PDLIM7: variants seen among roughly 807,000 people sequenced by gnomAD.
PDLIM7 encodes PDZ and LIM domain 7.
PDLIM7 carries 37 observed loss-of-function variants against 53.9 expected under a neutral mutation model. That is an observed-to-expected ratio of 0.69 (90% CI 0.53 to 0.90). The LOEUF is 0.90. PDLIM7 is among the 40% of genes least tolerant of loss of function. The probability of loss-of-function intolerance (pLI) is 0.00; values close to 1 mark genes in which losing one functional copy is unlikely to be tolerated. For synonymous variants in PDLIM7, 300 were observed against 261.3 expected, an observed-to-expected ratio of 1.15 and a Z score of -1.43; for missense variants, 617 against 638.5, an observed-to-expected ratio of 0.97 and a Z score of 0.36.
In PDLIM7 at chr5:177,491,920, G is replaced by A; in HGVS notation, c.285C>T (p.Ser95=). ...ACCGCGGAGGGTCCGCGGCGGGGGCGGAGGCCTGGGCAGAGACACAGCCGG... is the reference window on the plus strand; with the variant it reads ...ACCGCGGAGGGTCCGCGGCGGGGGCAGAGGCCTGGGCAGAGACACAGCCGG... ...QPVQSKPQKA[S]APAADPPRYT... Residue 95 remains serine (S), a synonymous_variant, in exon 5 of 13, where the codon TCC becomes TCT. Coordinates refer to ENST00000355841, the MANE Select transcript of PDLIM7 (RefSeq NM_005451.5). The A allele has an allele frequency of 1.6e-6, 2 of 1,270,876 alleles. No homozygotes were observed. Among genetic ancestry groups the A allele is most frequent in the Non-Finnish European group, 2.0e-6 (2 of 999,552 alleles). The allele number at this position is 1,270,876 out of a possible 1,614,324, so 78.7% of individuals were successfully genotyped here. A position where few individuals can be genotyped will look rare whatever the true frequency, so the allele number is the denominator to read the frequency against.
intron 2 of PDLIM7, among the ~76,000 whole-genome samples, chr5:177,495,340 G>A (rs912690928): frequency 5.3e-5 from 8 of 152,148 alleles, no homozygotes; most frequent in African/African-American, 1.9e-4. Context: ...CTCAGGCCAC[G>A]ACCCTCTGGG....
chr5:177,484,596 G>A, intron 10 of PDLIM7: 1 of 210,410 alleles, frequency 4.8e-6, no homozygotes, highest in South Asian at 6.9e-5. Context: ...TCCCTGAAGT[G>A]AGGTAAGCCA....
intron 9 of PDLIM7, among the ~76,000 whole-genome samples, chr5:177,489,066 G>T (rs890135426): frequency 6.6e-6 from 1 of 151,466 alleles, no homozygotes; most frequent in African/African-American, 2.5e-5. Flanking sequence ...GGGAGACAGA[G>T]AGCAGGAGGG....
rs183171457 is a variant in PDLIM7, at chr5:177,492,709, C to T, written c.97-32G>A. The T allele has an allele frequency of 5.7e-5, 90 of 1,590,068 alleles. No homozygotes were observed. The African/African-American group carries it at 1.0e-3, about 18-fold the overall frequency. On this transcript the variant is annotated intron_variant, in intron 2 of 12. Coordinates refer to ENST00000355841, the MANE Select transcript of PDLIM7 (RefSeq NM_005451.5). The stretch of plus-strand genomic sequence containing the variant: ...AGAGAGAAGCAAAGTGACCGAGGCC[C>T]TGGACCCTGCAGACCCAAGCCAGGC...
chr5:177,485,563 A>G (rs1284822711), intron 10 of PDLIM7, among the ~76,000 whole-genome samples: 1 of 152,252 alleles, frequency 6.6e-6, no homozygotes, highest in Non-Finnish European at 1.5e-5. Context: ...AAATCCAGGG[A>G]TCCCAGATCC....
Position 177,491,797 on chromosome 5 carries a change from G to T in PDLIM7, c.398+10C>A, listed in dbSNP as rs977451741. 3 of 1,221,934 alleles carry T rather than the reference G, an allele frequency of 2.5e-6. No homozygotes were observed. The highest frequency in any genetic ancestry group is 1.6e-5 in the African/African-American group (1 of 63,362). 75.7% of individuals were successfully genotyped at this position (1,221,934 alleles called of 1,614,324 possible). A position where few individuals can be genotyped will look rare whatever the true frequency, so the allele number is the denominator to read the frequency against. On this transcript the variant is annotated intron_variant, in intron 5 of 12. Transcript: ENST00000355841. ...ATGGCGTGGGCGCGGGCGGGCAGGG[G>T]CCGACGTACCCATTCTGCTGCGGGG...
At chr5:177,492,499 C>T (rs764381455) in intron 3 of PDLIM7, 27 bp downstream of exon 3, 20 of 1,613,512 alleles carry the variant, frequency 1.2e-5, no homozygotes, top group East Asian at 2.2e-5. Context: ...CCAGCGCGGG[C>T]GCACCCATCC....
At chr5:177,493,950 A>T (rs1758932176) in intron 2 of PDLIM7, among the ~76,000 whole-genome samples, 1 of 152,196 alleles carries the variant, frequency 6.6e-6, no homozygotes, top group Non-Finnish European at 1.5e-5. Flanking sequence ...AGGGCAGGGC[A>T]GCCAGGCACA....
rs1758664741 is a variant in PDLIM7, at chr5:177,489,992, TCTC to T, written c.573-163_573-161del. 11 of 1,535,134 alleles carry T rather than the reference TCTC, an allele frequency of 7.2e-6. No homozygotes were observed. The South Asian group carries it at 1.1e-4, about 15-fold the overall frequency. ...TGGGGTAGGGATGGGAAGGGCAGCT[TCTC>T]CTAGCAATGTCCAGTTAGCTGGTGT... is the stretch of plus-strand genomic sequence containing the variant. On this transcript the variant is annotated intron_variant, in intron 7 of 12. Coordinates refer to ENST00000355841, the MANE Select transcript of PDLIM7 (RefSeq NM_005451.5).
In PDLIM7 at chr5:177,490,858, C is replaced by A. The variant is rs1189373273; in HGVS notation, c.572+12G>T. On this transcript the variant is annotated intron_variant, in intron 7 of 12. Coordinates refer to ENST00000355841, the MANE Select transcript of PDLIM7 (RefSeq NM_005451.5). ...CAGGAGGTGGGAGAGGGGCTGGTGC[C>A]CGTCCCTGTACCTTGATTTCTTCAG... 6.2e-7 allele frequency: 1 copy of A among 1,613,872 alleles called. No individual in the cohort carries two copies.
rs1228539363 is a variant in PDLIM7, at chr5:177,491,107, C to T, written c.438G>A (p.Gln146=). ...LRPLVPDASK[Q]RLMENTEDWR... The stretch of plus-strand genomic sequence containing the variant: ...AGTCCTCTGTGTTCTCCATCAGCCG[C>T]TGCTTGCTGGCATCTGGGACCAGCG... Residue 146 remains glutamine, a synonymous_variant, in exon 6 of 13, where the codon CAG becomes CAA. Transcript: ENST00000355841. 6.2e-7 allele frequency: 1 copy of T among 1,611,702 alleles called. No homozygotes were observed. The highest frequency in any genetic ancestry group is 1.1e-5 in the South Asian group (1 of 90,844).
chr5:177,497,008 GGGGGGGGGGA>G (rs56056589), intron 1 of PDLIM7: 35,913 of 67,874 alleles, frequency 0.53, 10,713 homozygotes, highest in Middle Eastern at 0.72. Flanking sequence ...TGGGACGCGA[GGGGGGGGGGA>G]GGGGAGGGGA....
rs1759076742 is a variant in PDLIM7, at chr5:177,496,467, A to G, written c.46T>C (p.Phe16Leu). 2 of 1,605,642 alleles carry G rather than the reference A, an allele frequency of 1.2e-6. No individual in the cohort carries two copies. The highest frequency in any genetic ancestry group is 1.7e-6 in the Non-Finnish European group (2 of 1,175,856). ...VVLEGPAPWG[F>L]RLQGGKDFNV... ...AAGTCCTTGCCCCCTTGCAGCCGGA[A>G]GCCCCAAGGTGCTGGCCCCTCCAGC... Residue 16 changes from phenylalanine to leucine, a missense_variant, in exon 2 of 13, where the codon TTC (phenylalanine) becomes CTC (leucine). Coordinates refer to ENST00000355841, the MANE Select transcript of PDLIM7 (RefSeq NM_005451.5).
chr5:177,484,386 C>T (rs1367671540), intron 10 of PDLIM7, 196 bp from the exon 11 acceptor site: 5 of 611,016 alleles, frequency 8.2e-6, no homozygotes, highest in Non-Finnish European at 1.4e-5. Flanking sequence ...TCAGACTTGC[C>T]ATGTCCAGCA....
intron 7 of PDLIM7, chr5:177,490,040 C>T (rs886819216): frequency 2.8e-5 from 43 of 1,532,874 alleles, no homozygotes; most frequent in Admixed American, 9.8e-5. Flanking sequence ...AGCTGGGAGA[C>T]GAGGCAGGGC....
In PDLIM7 at chr5:177,488,121, A is replaced by G; in HGVS notation, c.997T>C (p.Tyr333His). 6.2e-7 allele frequency: 1 copy of G among 1,613,056 alleles called. No homozygotes were observed. Among genetic ancestry groups the G allele is most frequent in the South Asian group, 1.1e-5 (1 of 91,060 alleles). ...CAGCTGGGTGCATAGCGCACGTCAT[A>G]GCATGGTGGGCAGAAGATGGCGCCC... ...EKGAIFCPPC[Y>H]DVRYAPSCAK... The change falls in exon 10 of 13, where the codon TAT becomes CAT. Residue 333 changes from tyrosine to histidine, a missense_variant. Physicochemically the swap from Tyr to His is moderately conservative, Grantham distance 83 (BLOSUM62 2). Coordinates refer to ENST00000355841, the MANE Select transcript of PDLIM7 (RefSeq NM_005451.5).
At chr5:177,491,390 G>C in intron 5 of PDLIM7, 1 of 1,552,204 alleles carries the variant, frequency 6.4e-7, no homozygotes, top group Non-Finnish European at 8.7e-7. Flanking sequence ...ACAGGCAGAG[G>C]GGGGCTCACT....
At position 177,490,900 on chromosome 5, in the gene PDLIM7, T is replaced by G. The variant is rs1042292414; in HGVS notation, c.542A>C (p.Asp181Ala). ...AHLTGTEFMQ[D>A]PDEEHLKKSS... ...TTTCTTCAGGTGCTCCTCATCCGGGTCTTGCACTGAGAGGGCAGAGGCAGG... is the reference window on the plus strand; with the variant it reads ...TTTCTTCAGGTGCTCCTCATCCGGGGCTTGCACTGAGAGGGCAGAGGCAGG... The change falls in exon 7 of 13, where the codon GAC (aspartate) becomes GCC (alanine). Residue 181 changes from aspartate (D) to alanine (A), a missense_variant. Coordinates refer to ENST00000355841, the MANE Select transcript of PDLIM7 (RefSeq NM_005451.5). The G allele has an allele frequency of 1.2e-6, 2 of 1,613,754 alleles. No homozygotes were observed. Among genetic ancestry groups the G allele is most frequent in the African/African-American group, 2.7e-5 (2 of 74,814 alleles).
chr5:177,487,115 T>C (rs1327155949), intron 10 of PDLIM7, among the ~76,000 whole-genome samples: 1 of 151,852 alleles, frequency 6.6e-6, no homozygotes, highest in Non-Finnish European at 1.5e-5. Context: ...TTATTTTTAG[T>C]AGAGACAGGG....
Sources: allele counts gnomAD v4.1 joint callset (sites outside exome capture counted in the v4.1 genomes callset), GRCh38; gene constraint gnomAD v4.1.1; transcripts MANE v1.5; gene names NCBI Gene and HGNC (gene_info 2026-07-23, HGNC 2026-07-21).